Variants in MAGI2 observed in about 807,000 individuals in gnomAD.
MAGI2 encodes membrane-associated guanylate kinase, WW and PDZ domain-containing protein 2.
A neutral mutation model predicts 133.3 loss-of-function variants in MAGI2; 35 were observed. The ratio of observed to expected loss-of-function variants is 0.26; its 90% CI spans 0.20 to 0.35. MAGI2 has a LOEUF of 0.35. MAGI2 is among the 10% of genes least tolerant of loss of function. MAGI2 has a pLI of 1.00. For synonymous variants in MAGI2, 729 were observed against 710.6 expected, an observed-to-expected ratio of 1.03 and a Z score of -0.41; for missense variants, 1,636 against 1,863.4, an observed-to-expected ratio of 0.88 and a Z score of 2.25.
intron 2 of MAGI2, among the ~76,000 whole-genome samples, chr7:78,856,444 G>A (rs538518770): frequency 7.2e-5 from 11 of 152,316 alleles, no homozygotes; most frequent in African/African-American, 2.2e-4. Context: ...TGTAAGGAAA[G>A]GATGCAGTTT....
At chr7:78,077,618 T>C (rs1271511023) in intron 21 of MAGI2, among the ~76,000 whole-genome samples, 1 of 103,812 alleles carries the variant, frequency 9.6e-6, no homozygotes, top group African/African-American at 3.9e-5. Flanking sequence ...TTTAGATATT[T>C]CATTTGAACT....
rs201373355 is a variant in MAGI2, at chr7:78,441,063, TCTTA to T, written c.1045+48694_1045+48697del. Among the ~76,000 whole-genome samples, 44 of 152,336 alleles carry T rather than the reference TCTTA, an allele frequency of 2.9e-4. No homozygotes were observed. The East Asian group carries it at 7.7e-3, about 27-fold the overall frequency. ...AGATATTTAGGTTGGATATATCAAT[TCTTA>T]CTTGTTAGTCCTCCTCCCCTTTGTA... is the stretch of plus-strand genomic sequence containing the variant. On this transcript the variant is annotated intron_variant, in intron 6 of 21. Coordinates refer to ENST00000354212, the MANE Select transcript of MAGI2 (RefSeq NM_012301.4).
intron 9 of MAGI2, among the ~76,000 whole-genome samples, chr7:78,305,439 C>G (rs1029860953): frequency 1.3e-5 from 2 of 152,140 alleles, no homozygotes; most frequent in African/African-American, 4.8e-5. Context: ...GGTGCCTAAT[C>G]ATATGTGCCA....
intron 2 of MAGI2, among the ~76,000 whole-genome samples, chr7:78,922,749 A>G (rs1468645825): frequency 1.3e-5 from 2 of 151,884 alleles, no homozygotes; most frequent in African/African-American, 4.8e-5. Context: ...CTAGTTCTAG[A>G]TCCCTGAGGA....
chr7:78,047,451 T>G (rs1329559409), intron 21 of MAGI2, among the ~76,000 whole-genome samples: 1 of 152,182 alleles, frequency 6.6e-6, no homozygotes, highest in African/African-American at 2.4e-5. Flanking sequence ...ATGATGACCT[T>G]GTCCTTTGTC....
intron 1 of MAGI2, among the ~76,000 whole-genome samples, chr7:79,318,125 C>T (rs946658592): frequency 2.0e-5 from 3 of 152,164 alleles, no homozygotes; most frequent in Non-Finnish European, 2.9e-5. Flanking sequence ...TGCTAAACTT[C>T]ACCTATCATC....
intron 1 of MAGI2, among the ~76,000 whole-genome samples, chr7:79,313,394 T>A (rs1042704387): frequency 6.6e-6 from 1 of 152,134 alleles, no homozygotes; most frequent in Non-Finnish European, 1.5e-5. Flanking sequence ...TAAATAGAAC[T>A]CTTCCTGTTT....
chr7:78,639,623 C>T (rs942578543), intron 2 of MAGI2, among the ~76,000 whole-genome samples: 1 of 152,118 alleles, frequency 6.6e-6, no homozygotes, highest in African/African-American at 2.4e-5. Flanking sequence ...ACTCAGCTTC[C>T]TTACTTTAAA....
chr7:78,401,078 T>C (rs12668331), intron 6 of MAGI2, among the ~76,000 whole-genome samples: 7 of 148,028 alleles, frequency 4.7e-5, no homozygotes, highest in African/African-American at 1.7e-4. Context: ...AAAAAAAAAA[T>C]AAAATTTTCT....
In MAGI2 at chr7:79,133,820, T is replaced by A. The variant is rs117341932; in HGVS notation, c.302-126614A>T. Among the ~76,000 whole-genome samples, 1,481 of 152,266 alleles carry A rather than the reference T, an allele frequency of 9.7e-3. 19 individuals are homozygous for A. Among genetic ancestry groups the A allele is most frequent in the Middle Eastern group, 0.048 (14 of 294 alleles). ...GCAAGATACCCGCTCAAAGTGAGCA[T>A]CAAACTAACTGCTTACAGGAAGGTT... On this transcript the variant is annotated intron_variant, in intron 1 of 21. Coordinates refer to ENST00000354212, the MANE Select transcript of MAGI2 (RefSeq NM_012301.4).
intron 1 of MAGI2, among the ~76,000 whole-genome samples, chr7:79,136,128 A>G (rs189677296): frequency 2.7e-5 from 4 of 149,758 alleles, no homozygotes; most frequent in African/African-American, 9.8e-5. Flanking sequence ...AAAGAAAGAA[A>G]GACACAAAAG....
Position 78,106,301 on chromosome 7 carries a change from A to G in MAGI2, c.3567+19393T>C, listed in dbSNP as rs1171655627. ...TGATGCCAAATCTTTGCTATTGTGA[A>G]TACCACTGTAATAAACAAGGGGGTG... On this transcript the variant is annotated intron_variant, in intron 20 of 21. Transcript: ENST00000354212. 5.9e-5 allele frequency among the ~76,000 whole-genome samples: 9 copies of G among 152,242 alleles called. No individual in the cohort carries two copies. The East Asian group carries it at 1.7e-3, about 29-fold the overall frequency.
chr7:78,159,085 A>T (rs77220189), intron 16 of MAGI2, among the ~76,000 whole-genome samples: 12,197 of 152,100 alleles, frequency 0.08, 684 homozygotes, highest in East Asian at 0.3. Flanking sequence ...CCACCAAATT[A>T]TCTTTAAAAA....
chr7:78,787,355 G>A (rs928541740), intron 2 of MAGI2, among the ~76,000 whole-genome samples: 1 of 152,130 alleles, frequency 6.6e-6, no homozygotes, highest in African/African-American at 2.4e-5. Context: ...TTTGGAACAG[G>A]GAATAAGCCA....
intron 2 of MAGI2, among the ~76,000 whole-genome samples, chr7:78,689,250 C>T (rs560190203): frequency 8.5e-5 from 13 of 152,076 alleles, no homozygotes; most frequent in Non-Finnish European, 1.6e-4. Context: ...CACTCTAGTT[C>T]ATAGATTATA....
intron 21 of MAGI2, among the ~76,000 whole-genome samples, chr7:78,031,643 A>C (rs1809576365): frequency 6.6e-6 from 1 of 151,848 alleles, no homozygotes; most frequent in South Asian, 2.1e-4. Context: ...GCTTTTCTAG[A>C]ATCGTGTTCT....
intron 2 of MAGI2, among the ~76,000 whole-genome samples, chr7:78,630,432 T>TTTTG (rs1808849745): frequency 6.7e-6 from 1 of 149,992 alleles, no homozygotes; most frequent in Non-Finnish European, 1.5e-5. Flanking sequence ...TTTTTTTTTT[T>TTTTG]TGAGACAGAG....
chr7:78,281,901 G>GAAAACTTGCCTGGCTT (rs1795637062), intron 9 of MAGI2, among the ~76,000 whole-genome samples: 1 of 149,184 alleles, frequency 6.7e-6, no homozygotes, highest in Non-Finnish European at 1.5e-5. Flanking sequence ...AAAAAAAGGA[G>GAAAACTTGCCTGGCTT]AAAACTTGCC....
chr7:79,095,259 C>A (rs556576148), intron 1 of MAGI2, among the ~76,000 whole-genome samples: 2 of 152,320 alleles, frequency 1.3e-5, no homozygotes, highest in East Asian at 1.9e-4. Flanking sequence ...ACCTTTGACA[C>A]AAGACAGTGC....
Sources: gnomAD v4.1 joint callset for allele counts (sites outside exome capture counted in the v4.1 genomes callset) on GRCh38, gnomAD v4.1.1 for gene constraint, MANE v1.5 for transcripts, NCBI Gene and HGNC (gene_info 2026-07-23, HGNC 2026-07-21) for gene names.